Variants in DTNA observed in about 807,000 individuals in gnomAD.
DTNA encodes the protein dystrobrevin alpha.
In DTNA, 43 loss-of-function variants were observed where a neutral mutation model predicts 100.7. The ratio of observed to expected loss-of-function variants is 0.43; its 90% CI spans 0.33 to 0.55. The LOEUF is 0.55. DTNA is among the 20% of genes least tolerant of loss of function. The pLI, the probability that DTNA is intolerant of heterozygous loss-of-function variation, is 0.04. For synonymous variants in DTNA, 349 were observed against 347.9 expected (o/e 1.00, Z -0.04); for missense variants, 798 against 953.9 (o/e 0.84, Z 2.15).
chr18:34,875,571 T>C (rs1476868524), intron 18 of DTNA, among the ~76,000 whole-genome samples, 173 bp downstream of exon 18: 1 of 152,224 alleles, frequency 6.6e-6, no homozygotes, highest in Non-Finnish European at 1.5e-5. Context: ...ACCAATTTGT[T>C]CTCACTTCAC....
intron 1 of DTNA, among the ~76,000 whole-genome samples, chr18:34,556,434 G>A (rs1204621524): frequency 6.6e-6 from 1 of 150,476 alleles, no homozygotes; most frequent in Non-Finnish European, 1.5e-5. Flanking sequence ...TGGTGATTTT[G>A]CTCGTTAGTT....
chr18:34,888,266 A>T lies in DTNA; in HGVS notation c.*532A>T. Reference sequence around the variant, plus strand: ...CAAAACAGTTTATTATACACTGTACATTTTTTTCACAGCAATTGGAAAAAA... The same window carrying T: ...CAAAACAGTTTATTATACACTGTACTTTTTTTTCACAGCAATTGGAAAAAA... On this transcript the variant is annotated 3_prime_UTR_variant, in exon 23 of 23. Transcript: ENST00000444659. 1 of 985,758 alleles carries T rather than the reference A, an allele frequency of 1.0e-6. No individual in the cohort carries two copies. Among genetic ancestry groups the T allele is most frequent in the Non-Finnish European group, 1.2e-6 (1 of 829,900 alleles). 61.1% of individuals were successfully genotyped at this position (985,758 alleles called of 1,614,324 possible).
chr18:34,679,821 T>C (rs2077840129), intron 1 of DTNA, among the ~76,000 whole-genome samples: 1 of 152,170 alleles, frequency 6.6e-6, no homozygotes, highest in Non-Finnish European at 1.5e-5. Flanking sequence ...TTATTATTAT[T>C]ATCAGAAACC....
At chr18:34,752,851 T>C (rs189141650) in intron 1 of DTNA, among the ~76,000 whole-genome samples, 3 of 152,356 alleles carry the variant, frequency 2.0e-5, no homozygotes, top group Non-Finnish European at 4.4e-5. Flanking sequence ...GTACTTTGCA[T>C]ATTTTTCAAC....
chr18:34,539,088 T>A (rs1467973044), intron 1 of DTNA, among the ~76,000 whole-genome samples: 1 of 152,026 alleles, frequency 6.6e-6, no homozygotes, highest in African/African-American at 2.4e-5. Context: ...TAATGAGTTA[T>A]CACTGTTCAC....
chr18:34,508,601 CAG>C (rs1042308520), intron 1 of DTNA, among the ~76,000 whole-genome samples: 8 of 152,152 alleles, frequency 5.3e-5, no homozygotes, highest in Admixed American at 6.6e-5. Flanking sequence ...GAAATATAGA[CAG>C]ATGCAGATTT....
At chr18:34,493,949 G>C (rs2038863002) in intron 1 of DTNA, 1 of 147,934 alleles carries the variant, frequency 6.8e-6, no homozygotes, top group African/African-American at 2.5e-5. Flanking sequence ...GGCGGCGGGC[G>C]GCGCCTCAGG....
At chr18:34,509,652 C>T (rs147945600) in intron 1 of DTNA, among the ~76,000 whole-genome samples, 1 of 152,170 alleles carries the variant, frequency 6.6e-6, no homozygotes, top group Non-Finnish European at 1.5e-5. Context: ...AACAGGAAAA[C>T]ATTTCAAATC....
intron 1 of DTNA, among the ~76,000 whole-genome samples, chr18:34,553,922 T>C (rs964440951): frequency 6.6e-6 from 1 of 151,080 alleles, no homozygotes; most frequent in Non-Finnish European, 1.5e-5. Context: ...AAGAAAGTCA[T>C]TGGTAGCTTG....
chr18:34,700,220 A>G (rs1339048043), intron 1 of DTNA, among the ~76,000 whole-genome samples: 1 of 152,190 alleles, frequency 6.6e-6, no homozygotes, highest in Non-Finnish European at 1.5e-5. Context: ...TGACCCAATC[A>G]ATACCCTCAT....
chr18:34,690,305 A>G (rs890377492), intron 1 of DTNA, among the ~76,000 whole-genome samples: 1 of 152,188 alleles, frequency 6.6e-6, no homozygotes, highest in Non-Finnish European at 1.5e-5. Flanking sequence ...CCTTGCAAAG[A>G]CCATGGGAAA....
intron 1 of DTNA, among the ~76,000 whole-genome samples, chr18:34,523,326 A>G (rs998416101): frequency 3.9e-5 from 6 of 152,202 alleles, no homozygotes; most frequent in African/African-American, 1.4e-4. Context: ...GCTGAAGGTG[A>G]CTATATATGG....
chr18:34,582,012 C>G (rs918332031), intron 1 of DTNA, among the ~76,000 whole-genome samples: 1 of 152,128 alleles, frequency 6.6e-6, no homozygotes, highest in Non-Finnish European at 1.5e-5. Flanking sequence ...ATAACGCAAA[C>G]TTATAAATTA....
chr18:34,588,462 T>C (rs2049359303), intron 1 of DTNA, among the ~76,000 whole-genome samples: 1 of 152,148 alleles, frequency 6.6e-6, no homozygotes, highest in South Asian at 2.1e-4. Context: ...AGAGTGTTCT[T>C]TTTCTTGGAT....
chr18:34,763,136 G>T (rs1475033968), intron 2 of DTNA, among the ~76,000 whole-genome samples: 1 of 152,124 alleles, frequency 6.6e-6, no homozygotes, highest in Non-Finnish European at 1.5e-5. Flanking sequence ...AATAATCTGT[G>T]CCCCTAATGT....
intron 1 of DTNA, among the ~76,000 whole-genome samples, chr18:34,670,016 G>A (rs1262861933): frequency 2.6e-5 from 4 of 152,202 alleles, no homozygotes; most frequent in Admixed American, 6.5e-5. Flanking sequence ...ATATCCTGAA[G>A]AGTGTTTTCC....
chr18:34,769,967 C>T (rs1434590014), intron 3 of DTNA, among the ~76,000 whole-genome samples: 3 of 151,768 alleles, frequency 2.0e-5, no homozygotes, highest in Non-Finnish European at 4.4e-5. Flanking sequence ...GTGATCTGCC[C>T]GCCTTGGCCT....
intron 1 of DTNA, among the ~76,000 whole-genome samples, chr18:34,646,851 G>T (rs993628337): frequency 2.6e-5 from 4 of 152,018 alleles, no homozygotes; most frequent in Non-Finnish European, 5.9e-5. Flanking sequence ...GAGTCACTGG[G>T]ATTACAGGCA....
At chr18:34,626,867 A>C (rs187744054) in intron 1 of DTNA, among the ~76,000 whole-genome samples, 1 of 152,330 alleles carries the variant, frequency 6.6e-6, no homozygotes, top group South Asian at 2.1e-4. Flanking sequence ...CTCACCATTA[A>C]TTTGGAAACA....
Sources: allele counts gnomAD v4.1 joint callset (sites outside exome capture counted in the v4.1 genomes callset), GRCh38; gene constraint gnomAD v4.1.1; transcripts MANE v1.5; gene names NCBI Gene and HGNC (gene_info 2026-07-23, HGNC 2026-07-21).